Variants in WIPF3 observed in about 807,000 individuals in gnomAD.
WIPF3 encodes the protein WAS/WASL-interacting protein family member 3.
In WIPF3, 33 loss-of-function variants were observed where a neutral mutation model predicts 38.9. That is an observed-to-expected ratio of 0.85 (90% CI 0.64 to 1.14). The LOEUF (loss-of-function observed/expected upper bound fraction) is 1.14. Among genes scored for constraint, WIPF3 ranks in the 50% most tolerant of loss-of-function variants. WIPF3 has a pLI of 0.00. For missense variants in WIPF3, 711 were observed against 652.5 expected (o/e 1.09, Z -0.98); for synonymous variants, 324 against 269.3 (o/e 1.20, Z -1.99).
chr7:29,881,790 C>A (rs1163669484), intron 4 of WIPF3, among the ~76,000 whole-genome samples: 2 of 152,244 alleles, frequency 1.3e-5, no homozygotes, highest in Non-Finnish European at 2.9e-5. Flanking sequence ...TTTTGCTAAA[C>A]CTGCATGTTC....
chr7:29,903,682 G>A (rs994121258), intron 7 of WIPF3, among the ~76,000 whole-genome samples: 2 of 134,582 alleles, frequency 1.5e-5, no homozygotes, highest in African/African-American at 5.2e-5. Context: ...ACAGATGTAT[G>A]TATGGAAATA....
intron 4 of WIPF3, among the ~76,000 whole-genome samples, chr7:29,880,821 T>C (rs778788945): frequency 6.6e-6 from 1 of 152,194 alleles, no homozygotes; most frequent in Non-Finnish European, 1.5e-5. Flanking sequence ...ACACATGGAC[T>C]GGGTACCATG....
intron 1 of WIPF3, among the ~76,000 whole-genome samples, chr7:29,822,126 T>G (rs942975718): frequency 1.4e-5 from 2 of 145,450 alleles, no homozygotes; most frequent in Admixed American, 1.4e-4. Flanking sequence ...TTTCTTAGTT[T>G]TTTTTTTTTT....
rs140844589 is a variant in WIPF3, at chr7:29,850,182, T to C, written c.90+15368T>C. 2.4e-3 allele frequency among the ~76,000 whole-genome samples: 372 copies of C among 152,380 alleles called. 2 individuals are homozygous for C. Among genetic ancestry groups the C allele is most frequent in the African/African-American group, 8.5e-3 (353 of 41,600 alleles). On this transcript the variant is annotated intron_variant, in intron 2 of 8. Transcript: ENST00000242140. ...AACTTCATTTCGTGAAGAGGCACCA[T>C]GCTTGTTCCCCATAACTTCCTCTAG...
At chr7:29,846,731 G>A (rs1007844430) in intron 2 of WIPF3, among the ~76,000 whole-genome samples, 2 of 152,174 alleles carry the variant, frequency 1.3e-5, no homozygotes, top group Non-Finnish European at 2.9e-5. Context: ...ACAACACGGG[G>A]TGTAAAAACA....
At chr7:29,861,294 T>A (rs1785270414) in intron 2 of WIPF3, among the ~76,000 whole-genome samples, 1 of 152,202 alleles carries the variant, frequency 6.6e-6, no homozygotes, top group East Asian at 1.9e-4. Context: ...GTTTATACTT[T>A]ACTTGCAAAT....
In WIPF3 at chr7:29,875,875, C is replaced by T. The variant is rs1167613477; in HGVS notation, c.136C>T (p.Arg46Trp). ...CTTGCGAAGGGCAGATCCGAAAGGC[C>T]GGAGTGCGCTGTTGGCTGATATCCA... ...SSLRRADPKG[R>W]SALLADIQQG... The change falls in exon 3 of 9, where the codon CGG becomes TGG. Residue 46 changes from arginine to tryptophan, a missense_variant. Arg to Trp is a moderately radical substitution (Grantham distance 101). Coordinates refer to ENST00000242140, the MANE Select transcript of WIPF3 (RefSeq NM_001080529.3). 5 of 1,613,946 alleles carry T rather than the reference C, an allele frequency of 3.1e-6. No homozygotes were observed. The highest frequency in any genetic ancestry group is 4.2e-6 in the Non-Finnish European group (5 of 1,179,916).
intron 1 of WIPF3, among the ~76,000 whole-genome samples, chr7:29,825,712 A>G (rs1237243761): frequency 6.6e-6 from 1 of 152,202 alleles, no homozygotes; most frequent in Non-Finnish European, 1.5e-5. Context: ...ATGATCTGGG[A>G]ACAAATTTGC....
intron 7 of WIPF3, among the ~76,000 whole-genome samples, chr7:29,892,467 A>G (rs1425463658): frequency 2.0e-5 from 3 of 152,226 alleles, no homozygotes; most frequent in Non-Finnish European, 2.9e-5. Context: ...TGTCAGTGCA[A>G]ACACTAAATG....
intron 2 of WIPF3, among the ~76,000 whole-genome samples, chr7:29,849,689 T>C (rs1461103300): frequency 6.6e-6 from 1 of 152,156 alleles, no homozygotes; most frequent in African/African-American, 2.4e-5. Flanking sequence ...GCATACAAAG[T>C]GTGTGTTGCG....
At chr7:29,809,601 C>T (rs922485546) in intron 1 of WIPF3, among the ~76,000 whole-genome samples, 6 of 152,242 alleles carry the variant, frequency 3.9e-5, no homozygotes, top group Non-Finnish European at 8.8e-5. Context: ...CTTTCCCCAG[C>T]CGATGCTGGG....
intron 7 of WIPF3, among the ~76,000 whole-genome samples, chr7:29,900,080 GGT>G (rs1292016700): frequency 1.3e-5 from 2 of 152,078 alleles, no homozygotes; most frequent in Non-Finnish European, 2.9e-5. Flanking sequence ...TGGGACTACA[GGT>G]GTGTGCCACC....
At chr7:29,854,095 A>T (rs1471269053) in intron 2 of WIPF3, among the ~76,000 whole-genome samples, 1 of 152,222 alleles carries the variant, frequency 6.6e-6, no homozygotes, top group Non-Finnish European at 1.5e-5. Flanking sequence ...CAGCAGCATG[A>T]ATCAGTGAGG....
At chr7:29,889,885 T>C (rs150743374) in intron 7 of WIPF3, among the ~76,000 whole-genome samples, 1 of 152,324 alleles carries the variant, frequency 6.6e-6, no homozygotes, top group African/African-American at 2.4e-5. Context: ...GAAGGCCAGG[T>C]TACATCTAAA....
At chr7:29,870,680 AGCAAAGGG>A (rs751474417) in intron 2 of WIPF3, among the ~76,000 whole-genome samples, 191 of 152,348 alleles carry the variant, frequency 1.3e-3, no homozygotes, top group Non-Finnish European at 2.3e-3. Context: ...CCTCCAGGGA[AGCAAAGGG>A]GCACAGGGTG....
At chr7:29,830,619 CAAA>C (rs56261573) in intron 1 of WIPF3, among the ~76,000 whole-genome samples, 14 of 100,808 alleles carry the variant, frequency 1.4e-4, no homozygotes, top group Admixed American at 1.9e-4. Context: ...GACTCTGTCT[CAAA>C]AAAAAAAAAA....
At chr7:29,862,015 C>G (rs1455973837) in intron 2 of WIPF3, among the ~76,000 whole-genome samples, 1 of 152,164 alleles carries the variant, frequency 6.6e-6, no homozygotes, top group Non-Finnish European at 1.5e-5. Flanking sequence ...GAAGATTTAT[C>G]TGGAAGTGTT....
intron 8 of WIPF3, among the ~76,000 whole-genome samples, chr7:29,913,052 A>G (rs1276528508): frequency 6.6e-6 from 1 of 152,186 alleles, no homozygotes; most frequent in Non-Finnish European, 1.5e-5. Flanking sequence ...ACACTTAAAA[A>G]TGATTACTAG....
chr7:29,901,452 T>C (rs974215624), intron 7 of WIPF3, among the ~76,000 whole-genome samples: 1 of 147,684 alleles, frequency 6.8e-6, no homozygotes, highest in African/African-American at 2.5e-5. Context: ...AGAAATTGAT[T>C]CCCCTTTAAC....
Sources: allele counts gnomAD v4.1 joint callset (sites outside exome capture counted in the v4.1 genomes callset), GRCh38; gene constraint gnomAD v4.1.1; transcripts MANE v1.5; gene names NCBI Gene and HGNC (gene_info 2026-07-23, HGNC 2026-07-21).